Variants in PHLDB2 observed in about 807,000 individuals in gnomAD.
PHLDB2 encodes the protein pleckstrin homology like domain family B member 2.
PHLDB2 carries 71 observed loss-of-function variants against 123.6 expected under a neutral mutation model. The ratio of observed to expected loss-of-function variants is 0.57; its 90% CI spans 0.47 to 0.70. PHLDB2 has a LOEUF of 0.70. Among genes scored for constraint, PHLDB2 ranks in the 30% least tolerant of loss-of-function variants. The probability of loss-of-function intolerance (pLI) is 0.00; values close to 1 mark genes in which losing one functional copy is unlikely to be tolerated. For missense variants in PHLDB2, 1,446 were observed against 1,519.5 expected (o/e 0.95, Z 0.80); for synonymous variants, 547 against 541.6 (o/e 1.01, Z -0.14).
intron 1 of PHLDB2, among the ~76,000 whole-genome samples, chr3:111,809,170 A>T (rs1328677016): frequency 6.6e-6 from 1 of 152,234 alleles, no homozygotes; most frequent in Non-Finnish European, 1.5e-5. Flanking sequence ...CTGTAACATG[A>T]CATTAATCAT....
chr3:111,784,113 G>A (rs1175424161), intron 1 of PHLDB2, among the ~76,000 whole-genome samples: 1 of 152,072 alleles, frequency 6.6e-6, no homozygotes, highest in Non-Finnish European at 1.5e-5. Flanking sequence ...AAATACGTTG[G>A]TTAATAGGAT....
intron 1 of PHLDB2, among the ~76,000 whole-genome samples, chr3:111,881,972 G>C (rs1412773624): frequency 2.0e-5 from 3 of 152,026 alleles, no homozygotes; most frequent in East Asian, 1.9e-4. Context: ...AAATATACCT[G>C]TGTGTGTATA....
intron 1 of PHLDB2, among the ~76,000 whole-genome samples, chr3:111,765,994 C>T (rs1211963532): frequency 6.6e-6 from 1 of 152,192 alleles, no homozygotes; most frequent in Non-Finnish European, 1.5e-5. Flanking sequence ...TCATCTTTCT[C>T]AGTTTCACAT....
chr3:111,831,405 G>A (rs1205172729), intron 1 of PHLDB2, among the ~76,000 whole-genome samples: 1 of 151,964 alleles, frequency 6.6e-6, no homozygotes, highest in Non-Finnish European at 1.5e-5. Flanking sequence ...AAGTAATGAA[G>A]AGAAAGTGGG....
At chr3:111,837,155 A>G (rs2063450610) in intron 1 of PHLDB2, among the ~76,000 whole-genome samples, 1 of 152,198 alleles carries the variant, frequency 6.6e-6, no homozygotes, top group Non-Finnish European at 1.5e-5. Context: ...AATGCCTGCA[A>G]AGTGCTTAGA....
In PHLDB2 at chr3:111,770,098, T is replaced by A. The variant is rs566104789; in HGVS notation, c.-49+37395T>A. Among the ~76,000 whole-genome samples the A allele has an allele frequency of 2.0e-5, 3 of 152,322 alleles. No homozygotes were observed. In the South Asian group the frequency reaches 6.2e-4, roughly 32 times the overall value. On this transcript the variant is annotated intron_variant, in intron 1 of 17. Transcript: ENST00000393923. ...ATTCATTAATGGAAAACTGATGTAA[T>A]GAGAAAAACAGGCCAGAGCCACACA... is the stretch of plus-strand genomic sequence containing the variant.
Position 111,773,566 on chromosome 3 carries a change from T to C in PHLDB2, c.-49+40863T>C, listed in dbSNP as rs144130419. Among the ~76,000 whole-genome samples, 739 of 152,338 alleles carry C rather than the reference T, an allele frequency of 4.9e-3. 6 individuals are homozygous for C. Among genetic ancestry groups the C allele is most frequent in the African/African-American group, 0.017 (704 of 41,578 alleles). On this transcript the variant is annotated intron_variant, in intron 1 of 17. Transcript: ENST00000393923. Reference sequence around the variant, plus strand: ...AGCACTTTGCATTCATCCCTGACTTTGAGTTACCCAGATCTATTTACCTGA... The same window carrying C: ...AGCACTTTGCATTCATCCCTGACTTCGAGTTACCCAGATCTATTTACCTGA...
chr3:111,955,144 G>GATATATATATATATATATAT (rs1553754364), intron 12 of PHLDB2, among the ~76,000 whole-genome samples: 51 of 145,314 alleles, frequency 3.5e-4, no homozygotes, highest in African/African-American at 1.0e-3. Context: ...ATGTATATAT[G>GATATATATATATATATATAT]ATATATATAT....
chr3:111,808,493 T>G (rs369857161), intron 1 of PHLDB2, among the ~76,000 whole-genome samples: 5 of 58,802 alleles, frequency 8.5e-5, no homozygotes, highest in South Asian at 7.5e-4. Context: ...ATATTCTGGG[T>G]TTTTTTTTTT....
intron 2 of PHLDB2, among the ~76,000 whole-genome samples, chr3:111,909,105 G>A (rs1190013248): frequency 6.6e-6 from 1 of 152,128 alleles, no homozygotes; most frequent in Non-Finnish European, 1.5e-5. Context: ...CTTTGCTTCT[G>A]TGGTGCTTTT....
In PHLDB2 at chr3:111,884,297, C is replaced by T; in HGVS notation, c.220C>T (p.Pro74Ser). 1.2e-6 allele frequency: 2 copies of T among 1,614,210 alleles called. No individual in the cohort carries two copies. Among genetic ancestry groups the T allele is most frequent in the Non-Finnish European group, 1.7e-6 (2 of 1,180,038 alleles). ...QPVPAKRSPS[P>S]LGTSVRSSPS... ...TGTGCCTGCAAAGAGAAGCCCTTCT[C>T]CTTTGGGAACCAGTGTCAGAAGCAG... The change falls in exon 2 of 18, where the codon CCT (proline) becomes TCT (serine). Residue 74 changes from proline (P) to serine (S), a missense_variant. Physicochemically the swap from Pro to Ser is moderately conservative, Grantham distance 74. Around this residue, in one of 3 missense-constraint regions of PHLDB2, gnomAD observed 832 missense variants for 831.9 expected, o/e 1.00. Coordinates refer to ENST00000431670, the MANE Select transcript of PHLDB2 (RefSeq NM_001134438.2).
chr3:111,938,418 A>G (rs1329485966), intron 6 of PHLDB2, among the ~76,000 whole-genome samples: 8 of 152,140 alleles, frequency 5.3e-5, no homozygotes, highest in African/African-American at 1.4e-4. Flanking sequence ...TCCCTTTAAT[A>G]AAATTATTAG....
chr3:111,821,323 A>G (rs1410883370), intron 1 of PHLDB2, among the ~76,000 whole-genome samples: 2 of 152,204 alleles, frequency 1.3e-5, no homozygotes, highest in Non-Finnish European at 2.9e-5. Context: ...GTATTAGTCA[A>G]GGTTCCCCAG....
intron 2 of PHLDB2, among the ~76,000 whole-genome samples, chr3:111,889,277 T>G (rs763997979): frequency 2.8e-4 from 42 of 152,256 alleles, no homozygotes; most frequent in Non-Finnish European, 4.9e-4. Context: ...GTTTTGTTGT[T>G]GTTTTTAAAA....
chr3:111,906,553 T>C (rs1435407138), intron 2 of PHLDB2, among the ~76,000 whole-genome samples: 1 of 152,228 alleles, frequency 6.6e-6, no homozygotes, highest in Non-Finnish European at 1.5e-5. Context: ...CAGAATGGCC[T>C]TGGTCTCCTT....
Position 111,770,967 on chromosome 3 carries a change from T to C in PHLDB2, c.-49+38264T>C, listed in dbSNP as rs141393025. On this transcript the variant is annotated intron_variant, in intron 1 of 17. Coordinates refer to the PHLDB2 transcript ENST00000393923. ...CAGGATGAGGCAGCTTGAGGAGAGA[T>C]GTGGAGCCCAGCCGCCTCATGGCAT... Among the ~76,000 whole-genome samples, 759 of 89,198 alleles carry C rather than the reference T, an allele frequency of 8.5e-3. 4 individuals are homozygous for C. Among genetic ancestry groups the C allele is most frequent in the Admixed American group, 0.017 (139 of 8,366 alleles). The allele number at this position is 89,198 out of a possible 152,430, so 58.5% of individuals were successfully genotyped here. A position where few individuals can be genotyped will look rare whatever the true frequency, so the allele number is the denominator to read the frequency against.
intron 1 of PHLDB2, among the ~76,000 whole-genome samples, chr3:111,732,884 C>A (rs1193858599): frequency 6.6e-6 from 1 of 152,180 alleles, no homozygotes; most frequent in Non-Finnish European, 1.5e-5. Flanking sequence ...TATTTTCCTT[C>A]TGTCTTCTAT....
intron 2 of PHLDB2, among the ~76,000 whole-genome samples, chr3:111,897,643 G>A (rs191790830): frequency 5.0e-4 from 76 of 152,308 alleles, no homozygotes; most frequent in Non-Finnish European, 9.1e-4. Flanking sequence ...TTAGGAAAAT[G>A]CTGAGTAGAA....
chr3:111,862,757 G>A (rs1031443221), intron 1 of PHLDB2, among the ~76,000 whole-genome samples: 6 of 152,110 alleles, frequency 3.9e-5, no homozygotes, highest in African/African-American at 1.4e-4. Context: ...TACCATAGAG[G>A]TCGAGGAACT....
Sources: allele counts gnomAD v4.1 joint callset (sites outside exome capture counted in the v4.1 genomes callset), GRCh38; gene constraint gnomAD v4.1.1; regional missense constraint gnomAD v4.1.1; transcripts MANE v1.5; gene names NCBI Gene and HGNC (gene_info 2026-07-23, HGNC 2026-07-21).